MYO1D: variants seen among roughly 807,000 people sequenced by gnomAD.
MYO1D encodes the protein unconventional myosin-Id.
MYO1D carries 83 observed loss-of-function variants against 122.0 expected under a neutral mutation model. That is an observed-to-expected ratio of 0.68 (90% CI 0.57 to 0.82). The LOEUF is 0.82. MYO1D is among the 40% of genes least tolerant of loss of function. The pLI is 0.00. For missense variants in MYO1D, 1,157 were observed against 1,269.5 expected, an observed-to-expected ratio of 0.91 and a Z score of 1.35; for synonymous variants, 464 against 446.9, an observed-to-expected ratio of 1.04 and a Z score of -0.48.
intron 17 of MYO1D, among the ~76,000 whole-genome samples, chr17:32,656,362 C>A (rs1231942400): frequency 6.6e-6 from 1 of 151,992 alleles, no homozygotes; most frequent in Non-Finnish European, 1.5e-5. Flanking sequence ...CTGGAAGACA[C>A]AAAGCAGATG....
At chr17:32,607,033 G>A (rs1047508933) in intron 20 of MYO1D, among the ~76,000 whole-genome samples, 9 of 152,068 alleles carry the variant, frequency 5.9e-5, no homozygotes, top group Admixed American at 2.0e-4. Context: ...GGTGGCAGGC[G>A]CCTGTAATCC....
chr17:32,706,765 C>T (rs2089313566), intron 16 of MYO1D, among the ~76,000 whole-genome samples: 1 of 152,102 alleles, frequency 6.6e-6, no homozygotes, highest in Non-Finnish European at 1.5e-5. Flanking sequence ...GGCGCGATCT[C>T]AGCTCACTGC....
At chr17:32,745,164 T>C (rs1173612286) in intron 13 of MYO1D, 47 bp downstream of exon 13, 3 of 1,052,868 alleles carry the variant, frequency 2.8e-6, no homozygotes, top group South Asian at 1.4e-5. Context: ...ATATTACATA[T>C]GTCAATGAGC....
rs576079126 is a variant in MYO1D at position 32,706,584 on chromosome 17, C to T, written c.2121+5404G>A. ...TTCATGAATGTATGGAAGATTAACA[C>T]TGAACAAAGGTGGAATTTCAATTTA... is the stretch of plus-strand genomic sequence containing the variant. On this transcript the variant is annotated intron_variant, in intron 16 of 21. Transcript: ENST00000318217. 2.0e-5 allele frequency among the ~76,000 whole-genome samples: 3 copies of T among 152,112 alleles called. No homozygotes were observed. In the East Asian group the frequency reaches 5.8e-4, roughly 29 times the overall value.
intron 1 of MYO1D, among the ~76,000 whole-genome samples, chr17:32,824,008 A>G (rs1440072378): frequency 2.1e-5 from 3 of 145,874 alleles, no homozygotes; most frequent in Admixed American, 7.0e-5. Context: ...TGGAGCTTGC[A>G]GTGAGCCGAG....
Position 32,772,847 on chromosome 17 carries a change from G to GA in MYO1D, c.565-6dup. The GA allele has an allele frequency of 6.8e-6, 11 of 1,612,320 alleles. No homozygotes were observed. The highest frequency in any genetic ancestry group is 4.4e-5 in the South Asian group (4 of 90,954). The stretch of plus-strand genomic sequence containing the variant: ...CTGTTGCACAATCACTCGAGACTAA[G>GA]AAAAAACACATTAAAATGGTTAACC... On this transcript the variant is annotated splice_polypyrimidine_tract_variant and splice_region_variant and intron_variant, in intron 4 of 21. Transcript: ENST00000318217.
chr17:32,784,904 C>G (rs1410631568), intron 1 of MYO1D, among the ~76,000 whole-genome samples: 1 of 152,026 alleles, frequency 6.6e-6, no homozygotes, highest in Non-Finnish European at 1.5e-5. Context: ...TGCTGGGGAA[C>G]AGTTGGAAAT....
At chr17:32,618,110 T>C (rs6505307) in intron 20 of MYO1D, among the ~76,000 whole-genome samples, 23,925 of 152,152 alleles carry the variant, frequency 0.16, 2,079 homozygotes, top group African/African-American at 0.23. Context: ...CATACCAGTA[T>C]GTGTGAGCCA....
intron 14 of MYO1D, among the ~76,000 whole-genome samples, chr17:32,732,042 C>A (rs990250957): frequency 6.6e-6 from 1 of 152,228 alleles, no homozygotes; most frequent in Non-Finnish European, 1.5e-5. Flanking sequence ...GCTGGGTATG[C>A]GCACACTTGG....
intron 1 of MYO1D, among the ~76,000 whole-genome samples, chr17:32,799,665 C>CAA (rs557104997): frequency 2.6e-4 from 35 of 134,842 alleles, no homozygotes; most frequent in African/African-American, 9.0e-4. Flanking sequence ...AGAGCAAAAC[C>CAA]AAAAAAAAAA....
intron 21 of MYO1D, among the ~76,000 whole-genome samples, chr17:32,581,485 TCCTC>T (rs1258001120): frequency 3.9e-5 from 6 of 151,922 alleles, no homozygotes; most frequent in South Asian, 2.1e-4. Flanking sequence ...CTTCCTTCCT[TCCTC>T]CCTCCCTCCC....
chr17:32,873,910 T>C (rs537426906), intron 1 of MYO1D, among the ~76,000 whole-genome samples: 3 of 152,360 alleles, frequency 2.0e-5, no homozygotes, highest in East Asian at 3.9e-4. Context: ...CCAATGGCCA[T>C]ATGGAGAGCT....
At chr17:32,850,393 A>AACT (rs2090975840) in intron 1 of MYO1D, among the ~76,000 whole-genome samples, 3 of 152,236 alleles carry the variant, frequency 2.0e-5, no homozygotes, top group African/African-American at 7.2e-5. Context: ...CTCAGACCTG[A>AACT]ACTACTGCAC....
intron 14 of MYO1D, among the ~76,000 whole-genome samples, chr17:32,721,705 A>C (rs528828895): frequency 8.5e-5 from 13 of 152,364 alleles, no homozygotes; most frequent in African/African-American, 2.9e-4. Flanking sequence ...TTCGGAAAAG[A>C]GATTAAACTT....
intron 1 of MYO1D, among the ~76,000 whole-genome samples, chr17:32,863,214 A>C (rs967753914): frequency 5.3e-5 from 8 of 152,260 alleles, no homozygotes; most frequent in Non-Finnish European, 8.8e-5. Context: ...TCAACCACAC[A>C]AACAATTCAA....
intron 14 of MYO1D, among the ~76,000 whole-genome samples, chr17:32,729,246 T>C (rs1229542712): frequency 6.6e-6 from 1 of 152,254 alleles, no homozygotes; most frequent in Non-Finnish European, 1.5e-5. Context: ...TATCTAAATA[T>C]ACCTCTATTT....
chr17:32,512,216 C>T (rs1036218449), intron 21 of MYO1D, among the ~76,000 whole-genome samples: 1 of 151,984 alleles, frequency 6.6e-6, no homozygotes, highest in Non-Finnish European at 1.5e-5. Flanking sequence ...AGGCGAATCA[C>T]TTGAACCCAG....
intron 1 of MYO1D, among the ~76,000 whole-genome samples, chr17:32,845,356 GAAGT>G (rs1443307443): frequency 1.3e-5 from 2 of 152,120 alleles, no homozygotes; most frequent in Non-Finnish European, 2.9e-5. Context: ...TAGAACAGGA[GAAGT>G]AATAGGACTG....
intron 1 of MYO1D, among the ~76,000 whole-genome samples, chr17:32,849,185 G>A (rs1408194493): frequency 6.6e-6 from 1 of 151,058 alleles, no homozygotes; most frequent in Admixed American, 6.6e-5. Context: ...GAGAGGATGT[G>A]GAGAAATAGG....
Sources: allele counts gnomAD v4.1 joint callset (sites outside exome capture counted in the v4.1 genomes callset), GRCh38; gene constraint gnomAD v4.1.1; transcripts MANE v1.5; gene names NCBI Gene and HGNC (gene_info 2026-07-23, HGNC 2026-07-21).